FGD6: variants seen among roughly 807,000 people sequenced by gnomAD.
FGD6 encodes FYVE, RhoGEF and PH domain containing 6.
Under a neutral mutation model 149.4 loss-of-function variants are expected in FGD6, and 90 were observed. That is an observed-to-expected ratio of 0.60 (90% CI 0.51 to 0.72). The LOEUF (loss-of-function observed/expected upper bound fraction) is 0.72, where lower values mean the gene tolerates loss of function less well. Among genes scored for constraint, FGD6 ranks in the 30% least tolerant of loss-of-function variants. FGD6 has a pLI of 0.00. For synonymous variants in FGD6, 527 were observed against 584.0 expected, an observed-to-expected ratio of 0.90 and a Z score of 1.41; for missense variants, 1,437 against 1,684.8, an observed-to-expected ratio of 0.85 and a Z score of 2.57.
At chr12:95,130,932 G>A (rs1879501449) in intron 8 of FGD6, among the ~76,000 whole-genome samples, 1 of 152,118 alleles carries the variant, frequency 6.6e-6, no homozygotes, top group Admixed American at 6.5e-5. Flanking sequence ...TGACCTGCAA[G>A]GTTATAGGAA....
chr12:95,116,166 C>T (rs1039487611), intron 8 of FGD6, among the ~76,000 whole-genome samples: 1 of 152,198 alleles, frequency 6.6e-6, no homozygotes, highest in Admixed American at 6.5e-5. Flanking sequence ...TCTGACCCCA[C>T]TCAGAATGCA....
At chr12:95,104,011 A>G (rs1193809426) in intron 14 of FGD6, among the ~76,000 whole-genome samples, 2 of 152,218 alleles carry the variant, frequency 1.3e-5, no homozygotes, top group African/African-American at 2.4e-5. Context: ...AAATTTCCTA[A>G]TAACCTATAA....
intron 9 of FGD6, among the ~76,000 whole-genome samples, chr12:95,109,150 A>G (rs1318420716): frequency 6.6e-6 from 1 of 152,078 alleles, no homozygotes; most frequent in East Asian, 1.9e-4. Flanking sequence ...TATTAGCTTC[A>G]TGGGCCTATC....
intron 5 of FGD6, among the ~76,000 whole-genome samples, chr12:95,149,367 T>TAGCATATATTATATTATAC (rs1880218725): frequency 8.6e-6 from 1 of 116,760 alleles, no homozygotes; most frequent in African/African-American, 3.3e-5. Context: ...TTATATTATA[T>TAGCATATATTATATTATAC]ATAGCACATA....
At chr12:95,109,764 A>C (rs1335678019) in intron 9 of FGD6, among the ~76,000 whole-genome samples, 1 of 152,028 alleles carries the variant, frequency 6.6e-6, no homozygotes. Flanking sequence ...TGGGGCGCTC[A>C]GGTGGGAGGA....
chr12:95,091,733 T>C lies in FGD6; in HGVS notation c.3824A>G (p.His1275Arg). ...LKNQPARVCE[H>R]CFQELQKLDH... ...TAATTTCTGCAGTTCTTGGAAACAATGTTCACATACTCTTGCTGGTTGATT... is the reference window on the plus strand; with the variant it reads ...TAATTTCTGCAGTTCTTGGAAACAACGTTCACATACTCTTGCTGGTTGATT... The change falls in exon 17 of 21, where the codon CAT becomes CGT. Residue 1275 changes from histidine (H) to arginine (R), a missense_variant. By Grantham distance (29) the His-to-Arg change is conservative. This residue lies in a region of FGD6 where 382 missense variants were observed against 538.7 expected (regional missense o/e 0.71). Transcript: ENST00000343958. The C allele has an allele frequency of 6.2e-7, 1 of 1,613,368 alleles. No homozygotes were observed. Among genetic ancestry groups the C allele is most frequent in the East Asian group, 2.2e-5 (1 of 44,802 alleles).
chr12:95,102,919 C>T (rs925877902), intron 14 of FGD6, among the ~76,000 whole-genome samples: 1 of 152,148 alleles, frequency 6.6e-6, no homozygotes, highest in Non-Finnish European at 1.5e-5. Flanking sequence ...TAATATCCAC[C>T]CCACAAAGTT....
At chr12:95,082,202 A>T (rs1425903912) in intron 20 of FGD6, among the ~76,000 whole-genome samples, 9 of 152,088 alleles carry the variant, frequency 5.9e-5, no homozygotes, top group Non-Finnish European at 7.4e-5. Flanking sequence ...TTTTATCTGG[A>T]ATTTGGACTC....
chr12:95,175,656 A>G (rs1208010396), intron 2 of FGD6, among the ~76,000 whole-genome samples: 2 of 151,910 alleles, frequency 1.3e-5, no homozygotes. Flanking sequence ...GAGGCAGAAG[A>G]ATCACTGGAA....
intron 9 of FGD6, among the ~76,000 whole-genome samples, chr12:95,113,407 A>ATTT (rs951556331): frequency 6.6e-6 from 1 of 150,812 alleles, no homozygotes; most frequent in African/African-American, 2.4e-5. Flanking sequence ...TAGTTTTTGT[A>ATTT]TTTTTTTTAG....
At position 95,192,989 on chromosome 12, in the gene FGD6, AACTACC is replaced by A. The variant is rs2136294831; in HGVS notation, c.2441+15848_2441+15853del. On this transcript the variant is annotated intron_variant, in intron 2 of 20. Transcript: ENST00000343958. ...CATTGCTAAAATAAAAAACAGTGACAACTACCAACTACCAAGTGCTGGTGAGGTGTG... is the reference window on the plus strand; with the variant it reads ...CATTGCTAAAATAAAAAACAGTGACAAACTACCAAGTGCTGGTGAGGTGTG... 0.025 allele frequency among the ~76,000 whole-genome samples: 3 copies of A among 118 alleles called. No homozygotes were observed. In the East Asian group the frequency reaches 0.38, roughly 15 times the overall value. 0.1% of individuals were successfully genotyped at this position (118 alleles called of 152,430 possible).
At chr12:95,198,336 T>C (rs958228067) in intron 2 of FGD6, among the ~76,000 whole-genome samples, 4 of 151,944 alleles carry the variant, frequency 2.6e-5, no homozygotes, top group Admixed American at 6.6e-5. Flanking sequence ...AAGAAAACAA[T>C]AATATCTATC....
chr12:95,084,783 C>A (rs950015081), intron 19 of FGD6, 137 bp from the exon 20 acceptor site: 2 of 601,162 alleles, frequency 3.3e-6, no homozygotes, highest in African/African-American at 4.5e-5. Context: ...ACAACTTACT[C>A]ACTTCTCATT....
intron 1 of FGD6, among the ~76,000 whole-genome samples, chr12:95,215,904 A>G (rs757697795): frequency 9.7e-4 from 147 of 152,248 alleles, no homozygotes; most frequent in Non-Finnish European, 1.4e-3. Flanking sequence ...GAAGGATTTT[A>G]AAATTTCCAA....
At chr12:95,113,749 C>T (rs778827840) in intron 8 of FGD6, 48 bp from the exon 9 acceptor site, 5 of 1,223,198 alleles carry the variant, frequency 4.1e-6, no homozygotes, top group Non-Finnish European at 5.8e-6. Flanking sequence ...ACCAGTGAGC[C>T]CCAAACACAT....
intron 5 of FGD6, among the ~76,000 whole-genome samples, chr12:95,148,827 T>A (rs1248803682): frequency 9.3e-5 from 6 of 64,684 alleles, no homozygotes; most frequent in African/African-American, 1.8e-4. Context: ...ATTATATATA[T>A]TATATAATAT....
At chr12:95,149,469 CAT>C (rs1308019716) in intron 5 of FGD6, among the ~76,000 whole-genome samples, 1 of 129,362 alleles carries the variant, frequency 7.7e-6, no homozygotes, top group Non-Finnish European at 1.6e-5. Flanking sequence ...TTATACATCA[CAT>C]AGTATATATC....
intron 1 of FGD6, 65 bp from the exon 2 acceptor site, chr12:95,211,332 A>G: frequency 2.0e-6 from 3 of 1,495,668 alleles, no homozygotes; most frequent in Non-Finnish European, 2.7e-6. Context: ...ACATGATTAA[A>G]TCTGATAGCA....
At chr12:95,086,688 T>C (rs1298193996) in intron 18 of FGD6, among the ~76,000 whole-genome samples, 3 of 142,810 alleles carry the variant, frequency 2.1e-5, no homozygotes, top group Non-Finnish European at 4.6e-5. Context: ...TACAGGCGCC[T>C]GCCACCACGT....
Sources: gnomAD v4.1 joint callset for allele counts (sites outside exome capture counted in the v4.1 genomes callset) on GRCh38, gnomAD v4.1.1 for gene constraint, gnomAD v4.1.1 regional missense constraint, MANE v1.5 for transcripts, NCBI Gene and HGNC (gene_info 2026-07-23, HGNC 2026-07-21) for gene names.